The following LINGO2 variants were observed in gnomAD, a reference collection of about 807,000 sequenced individuals.
The protein encoded by LINGO2 is leucine-rich repeat and immunoglobulin-like domain-containing nogo receptor-interacting protein 2.
A neutral mutation model predicts 30.6 loss-of-function variants in LINGO2; 14 were observed. The observed-to-expected ratio is 0.46, with a 90% CI of 0.30 to 0.72. LINGO2 has a LOEUF of 0.72. Ranked by LOEUF, LINGO2 falls within the 30% of genes least tolerant of loss-of-function variation. LINGO2 has a pLI of 0.07. For missense variants in LINGO2, 729 were observed against 751.7 expected, an observed-to-expected ratio of 0.97 and a Z score of 0.35; for synonymous variants, 317 against 288.5, an observed-to-expected ratio of 1.10 and a Z score of -1.00.
intron 4 of LINGO2, among the ~76,000 whole-genome samples, chr9:28,062,534 AT>A (rs1157225185): frequency 1.4e-5 from 2 of 145,598 alleles, no homozygotes; most frequent in African/African-American, 5.0e-5. Flanking sequence ...ATACATATAC[AT>A]ATATACTATA....
chr9:29,147,027 G>A, the LINGO2 span, among the ~76,000 whole-genome samples: 2 of 152,066 alleles, frequency 1.3e-5, no homozygotes, highest in East Asian at 3.9e-4. Context: ...ACACGCATCT[G>A]AACATTTGCT....
At chr9:28,604,287 C>T (rs1825613590) in intron 1 of LINGO2, among the ~76,000 whole-genome samples, 1 of 151,878 alleles carries the variant, frequency 6.6e-6, no homozygotes, top group Admixed American at 6.6e-5. Context: ...TAGAAAGTGC[C>T]CACATAATCC....
chr9:28,590,113 T>C (rs1222109355), intron 1 of LINGO2, among the ~76,000 whole-genome samples: 1 of 152,150 alleles, frequency 6.6e-6, no homozygotes, highest in East Asian at 1.9e-4. Flanking sequence ...TGTAGAAAGC[T>C]GAAACTGGAT....
At chr9:28,844,404 A>T in the LINGO2 span, among the ~76,000 whole-genome samples, 16 of 151,920 alleles carry the variant, frequency 1.1e-4, no homozygotes, top group East Asian at 9.6e-4. Flanking sequence ...AAAAGGACAG[A>T]AACAGATGTA....
At chr9:28,427,588 T>C (rs1289009816) in intron 2 of LINGO2, among the ~76,000 whole-genome samples, 2 of 152,148 alleles carry the variant, frequency 1.3e-5, no homozygotes, top group African/African-American at 4.8e-5. Context: ...TTTTCACAGA[T>C]TTGTCTCATT....
intron 3 of LINGO2, among the ~76,000 whole-genome samples, chr9:28,367,807 T>C (rs985643829): frequency 1.3e-5 from 2 of 152,172 alleles, no homozygotes; most frequent in African/African-American, 4.8e-5. Context: ...TATTTATTAA[T>C]CACTCACCTC....
chr9:28,875,792 T>C, the LINGO2 span, among the ~76,000 whole-genome samples: 1 of 152,276 alleles, frequency 6.6e-6, no homozygotes, highest in East Asian at 1.9e-4. Context: ...TTACTAACTT[T>C]TAAGATTCTC....
the LINGO2 span, among the ~76,000 whole-genome samples, chr9:29,143,179 C>A: frequency 6.6e-6 from 1 of 151,942 alleles, no homozygotes; most frequent in South Asian, 2.1e-4. Context: ...TCATGGTGTG[C>A]CACAAATATC....
intron 3 of LINGO2, among the ~76,000 whole-genome samples, chr9:28,305,026 A>G (rs1287457867): frequency 6.6e-6 from 1 of 152,048 alleles, no homozygotes; most frequent in Non-Finnish European, 1.5e-5. Flanking sequence ...AGCCAGAGCA[A>G]CTTTACAATA....
chr9:28,276,508 A>G (rs1823119276), intron 4 of LINGO2, among the ~76,000 whole-genome samples: 1 of 152,146 alleles, frequency 6.6e-6, no homozygotes, highest in South Asian at 2.1e-4. Flanking sequence ...TGCTCCAGGT[A>G]TTCTGATGTA....
intron 1 of LINGO2, among the ~76,000 whole-genome samples, chr9:28,485,971 G>A (rs1163887284): frequency 3.3e-5 from 5 of 152,108 alleles, no homozygotes; most frequent in African/African-American, 1.2e-4. Flanking sequence ...TATTCTTGGT[G>A]TCTCTACTGA....
intron 3 of LINGO2, among the ~76,000 whole-genome samples, chr9:28,319,542 C>A (rs1017753642): frequency 6.6e-6 from 1 of 152,060 alleles, no homozygotes; most frequent in African/African-American, 2.4e-5. Context: ...CTACCACAAC[C>A]CCTCAGCAAC....
the LINGO2 span, among the ~76,000 whole-genome samples, chr9:28,871,746 A>G: frequency 6.6e-6 from 1 of 151,894 alleles, no homozygotes; most frequent in African/African-American, 2.4e-5. Context: ...AAAGAATGAG[A>G]GACGTTGGTT....
chr9:28,249,105 CT>C (rs138523338), intron 4 of LINGO2, among the ~76,000 whole-genome samples: 1 of 151,690 alleles, frequency 6.6e-6, no homozygotes, highest in East Asian at 1.9e-4. Context: ...AATGTGGTTT[CT>C]TTTTTTTAGA....
At chr9:28,053,941 G>A (rs1327927118) in intron 4 of LINGO2, among the ~76,000 whole-genome samples, 2 of 151,992 alleles carry the variant, frequency 1.3e-5, no homozygotes, top group Non-Finnish European at 2.9e-5. Flanking sequence ...TAACAGATAT[G>A]GGGTAAAAAG....
In LINGO2 at chr9:27,963,935, G is replaced by C. The variant is rs181266629; in HGVS notation, c.-35-13229C>G. On this transcript the variant is annotated intron_variant, in intron 5 of 5. Transcript: ENST00000379992. ...ATCAATTTTAGTATGAGCAAGTCTG[G>C]AAAATCACCAGGGTTACCTAAGTTC... 3.9e-5 allele frequency among the ~76,000 whole-genome samples: 6 copies of C among 152,126 alleles called. No homozygotes were observed. The South Asian group carries it at 1.2e-3, about 32-fold the overall frequency.
intron 2 of LINGO2, among the ~76,000 whole-genome samples, chr9:28,447,756 C>A (rs1202470761): frequency 6.6e-6 from 1 of 152,130 alleles, no homozygotes; most frequent in Admixed American, 6.5e-5. Context: ...TGTTGTCAAA[C>A]AATGCAAACA....
chr9:28,894,560 T>G, the LINGO2 span, among the ~76,000 whole-genome samples: 1 of 152,032 alleles, frequency 6.6e-6, no homozygotes, highest in Admixed American at 6.6e-5. Context: ...TTAGTTTATT[T>G]TTTACTTTTA....
At chr9:29,058,410 G>C in the LINGO2 span, among the ~76,000 whole-genome samples, 1 of 151,674 alleles carries the variant, frequency 6.6e-6, no homozygotes, top group Non-Finnish European at 1.5e-5. Flanking sequence ...ATCACAAGGA[G>C]GAAAAACACC....
Sources: allele counts gnomAD v4.1 joint callset (sites outside exome capture counted in the v4.1 genomes callset), GRCh38; gene constraint gnomAD v4.1.1; transcripts MANE v1.5; gene names NCBI Gene and HGNC (gene_info 2026-07-23, HGNC 2026-07-21).